Variants in RAB38 observed in about 807,000 individuals in gnomAD.
The protein encoded by RAB38 is ras-related protein Rab-38.
RAB38 carries 15 observed loss-of-function variants against 18.4 expected under a neutral mutation model. That is an observed-to-expected ratio of 0.82 (90% CI 0.55 to 1.26). RAB38 has a LOEUF of 1.26. RAB38 is among the 50% of genes most tolerant of loss of function. The pLI is 0.00. For synonymous variants in RAB38, 101 were observed against 104.4 expected (o/e 0.97, Z 0.20); for missense variants, 294 against 267.4 (o/e 1.10, Z -0.69).
chr11:87,915,162 A>T, the RAB38 span, among the ~76,000 whole-genome samples: 1 of 152,154 alleles, frequency 6.6e-6, no homozygotes, highest in Non-Finnish European at 1.5e-5. Context: ...ATTTGATTCC[A>T]ATCTATGACA....
At chr11:88,129,132 C>T (rs1272409143) in intron 2 of RAB38, among the ~76,000 whole-genome samples, 1 of 151,792 alleles carries the variant, frequency 6.6e-6, no homozygotes, top group Non-Finnish European at 1.5e-5. Context: ...TACACATTAC[C>T]CAACAGATCA....
the RAB38 span, among the ~76,000 whole-genome samples, chr11:87,903,730 T>C: frequency 9.2e-5 from 14 of 151,658 alleles, no homozygotes; most frequent in Admixed American, 5.3e-4. Context: ...TATGAAATCA[T>C]TTCTTTAGTA....
the RAB38 span, among the ~76,000 whole-genome samples, chr11:88,024,148 TG>T: frequency 1.3e-5 from 2 of 152,148 alleles, no homozygotes; most frequent in South Asian, 4.1e-4. Context: ...ATTACCCATC[TG>T]ACAAGGGATT....
the RAB38 span, among the ~76,000 whole-genome samples, chr11:87,916,337 A>T: frequency 2.6e-5 from 4 of 152,122 alleles, no homozygotes; most frequent in Non-Finnish European, 5.9e-5. Flanking sequence ...TATTTGAATC[A>T]TGGGGGCAGA....
At chr11:88,016,340 A>G in the RAB38 span, among the ~76,000 whole-genome samples, 1 of 152,146 alleles carries the variant, frequency 6.6e-6, no homozygotes, top group African/African-American at 2.4e-5. Flanking sequence ...ACAGGTTATA[A>G]TGAGGACTTA....
chr11:88,121,076 C>G (rs1942622268), intron 2 of RAB38, among the ~76,000 whole-genome samples: 1 of 152,208 alleles, frequency 6.6e-6, no homozygotes, highest in African/African-American at 2.4e-5. Context: ...TACCTGCATA[C>G]CTCCATGTTT....
chr11:87,937,870 G>GTT, the RAB38 span, among the ~76,000 whole-genome samples: 1,108 of 91,746 alleles, frequency 0.012, 8 homozygotes, highest in African/African-American at 0.027. Context: ...TCATTGAAGT[G>GTT]TTTTTTTTTT....
chr11:87,910,434 T>G, the RAB38 span, among the ~76,000 whole-genome samples: 1 of 152,080 alleles, frequency 6.6e-6, no homozygotes, highest in African/African-American at 2.4e-5. Context: ...TAGCAGCGAC[T>G]TTTGAAGATC....
the RAB38 span, among the ~76,000 whole-genome samples, chr11:87,809,442 C>T: frequency 3.3e-5 from 5 of 152,294 alleles, no homozygotes; most frequent in Admixed American, 2.0e-4. Context: ...TGCCAACTTG[C>T]GCTTCCAGCA....
the RAB38 span, among the ~76,000 whole-genome samples, chr11:87,862,122 A>T: frequency 2.6e-5 from 4 of 152,030 alleles, no homozygotes; most frequent in African/African-American, 9.7e-5. Flanking sequence ...TCAAAGACCT[A>T]AAGACAAATA....
chr11:87,916,925 A>G, the RAB38 span, among the ~76,000 whole-genome samples: 1 of 152,152 alleles, frequency 6.6e-6, no homozygotes, highest in Non-Finnish European at 1.5e-5. Context: ...ATTATCTCAC[A>G]TGCTTATGAT....
chr11:87,967,246 G>T, the RAB38 span, among the ~76,000 whole-genome samples: 1 of 151,958 alleles, frequency 6.6e-6, no homozygotes, highest in Admixed American at 6.6e-5. Context: ...TTAAATTATT[G>T]TAATATTGTT....
At chr11:87,825,359 C>T in the RAB38 span, among the ~76,000 whole-genome samples, 1 of 152,102 alleles carries the variant, frequency 6.6e-6, no homozygotes, top group African/African-American at 2.4e-5. Flanking sequence ...CACTGGGTAA[C>T]TTAAACAACA....
At chr11:88,161,853 T>C (rs1943192052) in intron 1 of RAB38, among the ~76,000 whole-genome samples, 1 of 152,086 alleles carries the variant, frequency 6.6e-6, no homozygotes, top group African/African-American at 2.4e-5. Flanking sequence ...TTGGAATCAA[T>C]TTACTCTATC....
At chr11:88,112,943 T>C (rs185106444), downstream of RAB38, among the ~76,000 whole-genome samples, 507 of 152,236 alleles carry the variant, frequency 3.3e-3, 3 homozygotes, top group African/African-American at 0.012. Flanking sequence ...TATTTTATTG[T>C]TTCTTTTTAT....
the RAB38 span, among the ~76,000 whole-genome samples, chr11:87,897,528 G>C: frequency 6.6e-6 from 1 of 151,510 alleles, no homozygotes; most frequent in African/African-American, 2.4e-5. Flanking sequence ...TCGTAGATTT[G>C]TTGTTGTTCT....
the RAB38 span, among the ~76,000 whole-genome samples, chr11:87,833,776 C>G: frequency 6.6e-6 from 1 of 152,148 alleles, no homozygotes; most frequent in Admixed American, 6.5e-5. Flanking sequence ...AGTAACATTG[C>G]TATTATCTCT....
chr11:87,976,242 T>A, the RAB38 span, among the ~76,000 whole-genome samples: 4 of 145,684 alleles, frequency 2.7e-5, no homozygotes, highest in Non-Finnish European at 4.5e-5. Flanking sequence ...TATATACACC[T>A]TCATATATGT....
At chr11:87,958,602 G>C in the RAB38 span, among the ~76,000 whole-genome samples, 1 of 152,142 alleles carries the variant, frequency 6.6e-6, no homozygotes, top group Non-Finnish European at 1.5e-5. Flanking sequence ...GAAGGAAGTA[G>C]ACAGCAAGAA....
Sources: gnomAD v4.1 joint callset for allele counts (sites outside exome capture counted in the v4.1 genomes callset) on GRCh38, gnomAD v4.1.1 for gene constraint, MANE v1.5 for transcripts, NCBI Gene and HGNC (gene_info 2026-07-23, HGNC 2026-07-21) for gene names.